C10orf90: variants seen among roughly 807,000 people sequenced by gnomAD.
The protein encoded by C10orf90 is chromosome 10 open reading frame 90.
A neutral mutation model predicts 62.5 loss-of-function variants in C10orf90; 56 were observed. The observed-to-expected ratio is 0.90, with a 90% CI of 0.72 to 1.12. C10orf90 has a LOEUF of 1.12. C10orf90 is among the 50% of genes most tolerant of loss of function. The pLI is 0.00. For missense variants in C10orf90, 970 were observed against 880.4 expected, an observed-to-expected ratio of 1.10 and a Z score of -1.29; for synonymous variants, 386 against 340.4, an observed-to-expected ratio of 1.13 and a Z score of -1.47.
chr10:126,606,913 T>C (rs2842162), intron 2 of C10orf90, among the ~76,000 whole-genome samples: 151,245 of 152,318 alleles, frequency 0.99, 75,107 homozygotes, highest in Middle Eastern at 1. Flanking sequence ...GTCATGGCAA[T>C]GACCCATAAG....
At chr10:126,614,570 G>GATCT (rs1313931401) in intron 2 of C10orf90, among the ~76,000 whole-genome samples, 2 of 152,114 alleles carry the variant, frequency 1.3e-5, no homozygotes, top group Non-Finnish European at 2.9e-5. Flanking sequence ...GGCCACTGGG[G>GATCT]ATCTAGTTGA....
At chr10:126,598,903 A>G (rs544568316) in intron 2 of C10orf90, among the ~76,000 whole-genome samples, 1 of 152,302 alleles carries the variant, frequency 6.6e-6, no homozygotes, top group African/African-American at 2.4e-5. Context: ...CCAATTAAAT[A>G]ATGAAGGCTT....
In C10orf90 at chr10:126,542,632, C is replaced by T. The variant is rs545250049; in HGVS notation, c.314-28693G>A. Among the ~76,000 whole-genome samples the T allele has an allele frequency of 1.2e-4, 19 of 152,236 alleles. No homozygotes were observed. In the South Asian group the frequency reaches 2.9e-3, roughly 23 times the overall value. Reference sequence around the variant, plus strand: ...CTGTTCACTTTAAAACAGTTAATTTCGTATTATACGAATTTTAACTCAATT... The same window carrying T: ...CTGTTCACTTTAAAACAGTTAATTTTGTATTATACGAATTTTAACTCAATT... On this transcript the variant is annotated intron_variant, in intron 2 of 9. Coordinates refer to ENST00000488181, the MANE Select transcript of C10orf90 (RefSeq NM_001350921.2).
intron 2 of C10orf90, among the ~76,000 whole-genome samples, chr10:126,576,690 C>CATGTAT (rs1193114911): frequency 0.034 from 1,231 of 36,710 alleles, 239 homozygotes; most frequent in African/African-American, 0.14. Context: ...TATACATATA[C>CATGTAT]ATGTATATGT....
At chr10:126,553,627 T>C (rs931052050) in intron 2 of C10orf90, among the ~76,000 whole-genome samples, 2 of 152,182 alleles carry the variant, frequency 1.3e-5, no homozygotes, top group African/African-American at 4.8e-5. Flanking sequence ...CAACTGCCTG[T>C]AGTATTCAAT....
intron 4 of C10orf90, among the ~76,000 whole-genome samples, chr10:126,469,161 G>A (rs1860438806): frequency 6.6e-6 from 1 of 152,176 alleles, no homozygotes; most frequent in Non-Finnish European, 1.5e-5. Flanking sequence ...CGAGCCGGGA[G>A]GGTACAGCTG....
chr10:126,664,246 G>A (rs1846578576), intron 1 of C10orf90, among the ~76,000 whole-genome samples: 1 of 152,104 alleles, frequency 6.6e-6, no homozygotes, highest in Non-Finnish European at 1.5e-5. Context: ...GAAAGGAAGT[G>A]TTTTGCCCCA....
intron 2 of C10orf90, among the ~76,000 whole-genome samples, chr10:126,642,249 A>T: frequency 6.6e-6 from 1 of 152,128 alleles, no homozygotes; most frequent in South Asian, 2.1e-4. Flanking sequence ...TTTAAAAGAC[A>T]AGGCTGGGTG....
intron 2 of C10orf90, among the ~76,000 whole-genome samples, chr10:126,565,186 A>C (rs111218173): frequency 1.5e-5 from 1 of 67,032 alleles, no homozygotes; most frequent in African/African-American, 5.6e-5. Context: ...TATGTAATAT[A>C]ATATTTATAT....
At chr10:126,539,204 C>T (rs879311551) in intron 2 of C10orf90, among the ~76,000 whole-genome samples, 2 of 152,216 alleles carry the variant, frequency 1.3e-5, no homozygotes, top group Non-Finnish European at 2.9e-5. Flanking sequence ...GAATGCGCAG[C>T]AACCCATTTG....
chr10:126,441,528 A>G (rs931710526), intron 7 of C10orf90, among the ~76,000 whole-genome samples: 4 of 152,192 alleles, frequency 2.6e-5, no homozygotes, highest in Admixed American at 2.0e-4. Flanking sequence ...CAAGAAGCAC[A>G]AAGAACTCCT....
rs767041687 is a variant in C10orf90 at position 126,504,335 on chromosome 10, C to G, written c.1156G>C (p.Val386Leu). The G allele has an allele frequency of 3.7e-6, 6 of 1,614,158 alleles. No individual in the cohort carries two copies. The highest frequency in any genetic ancestry group is 5.1e-6 in the Non-Finnish European group (6 of 1,180,042). Residue 386 changes from valine to leucine, a missense_variant, in exon 4 of 10, where the codon GTC becomes CTC. Transcript: ENST00000488181. The surrounding 1 kb of genome is among the most constrained non-coding windows in gnomAD (Gnocchi z 4.1). ...QIASPKMHRS[V>L]LSLNLNCSSH... is the part of the protein sequence containing the mutation. ...CTACAATTGAGGTTGAGCGACAGGA[C>G]GGATCTGTGCATTTTGGGGCTGGCA...
intron 2 of C10orf90, among the ~76,000 whole-genome samples, chr10:126,578,436 C>G (rs1844669956): frequency 6.6e-6 from 1 of 152,034 alleles, no homozygotes. Context: ...TATCAGAAAC[C>G]ACGACACACC....
chr10:126,564,998 A>ATATATAATATATAATATATATTATATAT, intron 2 of C10orf90, among the ~76,000 whole-genome samples: 210 of 7,942 alleles, frequency 0.026, 52 homozygotes, highest in Non-Finnish European at 0.052. Flanking sequence ...AATATATATT[A>ATATATAATATATAATATATATTATATAT]TATATAATAT....
chr10:126,512,288 A>AGTGTGTGTGT lies in C10orf90; in HGVS notation c.405+1550_405+1559dup, dbSNP rs377341185. Among the ~76,000 whole-genome samples the AGTGTGTGTGT allele has an allele frequency of 4.4e-4, 64 of 144,908 alleles. 2 individuals carry two copies. The highest frequency in any genetic ancestry group is 1.6e-3 in the African/African-American group (63 of 38,684). Reference sequence around the variant, plus strand: ...AGAGAGAGAGAGAAAGAGAGACAGAAGTGTGTGTGTGTGTGTGTGTCTGTG... The same window carrying AGTGTGTGTGT: ...AGAGAGAGAGAGAAAGAGAGACAGAAGTGTGTGTGTGTGTGTGTGTGTGTGTGTGTCTGTG... On this transcript the variant is annotated intron_variant, in intron 3 of 9. Transcript: ENST00000488181.
At chr10:126,461,657 GAC>G (rs1859988458) in intron 5 of C10orf90, 72 bp from the exon 6 acceptor site, 18 of 1,381,808 alleles carry the variant, frequency 1.3e-5, no homozygotes, top group Non-Finnish European at 1.7e-5. Context: ...AATACCATTA[GAC>G]ACAGAAGACA....
intron 2 of C10orf90, among the ~76,000 whole-genome samples, chr10:126,543,812 C>A (rs1269085662): frequency 6.6e-6 from 1 of 152,138 alleles, no homozygotes; most frequent in Admixed American, 6.5e-5. Flanking sequence ...AATGCTTTCT[C>A]AAAAGAGGTA....
intron 2 of C10orf90, among the ~76,000 whole-genome samples, chr10:126,630,009 A>G (rs1379692391): frequency 6.6e-6 from 1 of 152,218 alleles, no homozygotes; most frequent in Non-Finnish European, 1.5e-5. Flanking sequence ...TCCTGCATTA[A>G]CTATATGACA....
rs1238405297 is a variant in C10orf90 at position 126,461,534 on chromosome 10, C to T, written c.1877G>A (p.Ser626Asn). 1 of 1,613,866 alleles carries T rather than the reference C, an allele frequency of 6.2e-7. No homozygotes were observed. Among genetic ancestry groups the T allele is most frequent in the East Asian group, 2.2e-5 (1 of 44,878 alleles). ...LVVKIKECKK[S>N]EDPTTPEPSP... The stretch of plus-strand genomic sequence containing the variant: ...GGGCTCAGGTGTGGTGGGGTCCTCA[C>T]TCTTCTTACATTCCTTTATTTTTAC... Residue 626 changes from serine (S) to asparagine (N), a missense_variant, in exon 6 of 10, where the codon AGT becomes AAT. Transcript: ENST00000488181.
Sources: gnomAD v4.1 joint callset for allele counts (sites outside exome capture counted in the v4.1 genomes callset) on GRCh38, gnomAD v4.1.1 for gene constraint, Gnocchi (gnomAD v3.1) non-coding constraint, MANE v1.5 for transcripts, NCBI Gene and HGNC (gene_info 2026-07-23, HGNC 2026-07-21) for gene names.